The following GALNT1 variants were observed in gnomAD, a reference collection of about 807,000 sequenced individuals.
GALNT1 encodes GalNAc transferase 1.
A neutral mutation model predicts 65.7 loss-of-function variants in GALNT1; 17 were observed. That is an observed-to-expected ratio of 0.26 (90% confidence interval 0.18 to 0.39). The LOEUF is 0.39. GALNT1 is among the 10% of genes least tolerant of loss of function. The probability of loss-of-function intolerance (pLI) is 1.00; values close to 1 mark genes in which losing one functional copy is unlikely to be tolerated. For missense variants in GALNT1, 460 were observed against 672.8 expected (o/e 0.68, Z 3.50); for synonymous variants, 210 against 219.7 (o/e 0.96, Z 0.39).
rs2144791950 is a variant in GALNT1 at position 35,709,929 on chromosome 18, CACTAGCTGTGA to C, written c.*162_*172del. On this transcript the variant is annotated 3_prime_UTR_variant, in exon 12 of 12. Coordinates refer to ENST00000269195, the MANE Select transcript of GALNT1 (RefSeq NM_020474.4). Reference sequence around the variant, plus strand: ...TAAAACTTAGACTTCTCTAGCTTTTCACTAGCTGTGAACCAGCCTTCCTGTCCATGGACGTG... The same window carrying C: ...TAAAACTTAGACTTCTCTAGCTTTTCACCAGCCTTCCTGTCCATGGACGTG... 5 of 790,292 alleles carry C rather than the reference CACTAGCTGTGA, an allele frequency of 6.3e-6. 1 individual carries two copies. The South Asian group carries it at 7.6e-5, about 12-fold the overall frequency. 49.0% of individuals were successfully genotyped at this position (790,292 alleles called of 1,614,324 possible).
At chr18:35,701,230 C>A (rs2048158054) in intron 9 of GALNT1, among the ~76,000 whole-genome samples, 1 of 152,126 alleles carries the variant, frequency 6.6e-6, no homozygotes, top group Admixed American at 6.6e-5. Flanking sequence ...AGCCACCATG[C>A]CTAAGATTTG....
chr18:35,614,785 A>G (rs2046762414), intron 1 of GALNT1, among the ~76,000 whole-genome samples: 1 of 152,182 alleles, frequency 6.6e-6, no homozygotes, highest in South Asian at 2.1e-4. Context: ...CAAGAAGATC[A>G]TTATGGTAAA....
chr18:35,709,599 C>G, intron 11 of GALNT1, 25 bp from the exon 12 acceptor site: 2 of 1,612,028 alleles, frequency 1.2e-6, no homozygotes, highest in Non-Finnish European at 1.7e-6. Flanking sequence ...CTTCCACTCT[C>G]ATGTTAAGAT....
intron 1 of GALNT1, chr18:35,596,916 A>G (rs1456945653): frequency 6.6e-6 from 1 of 152,082 alleles, no homozygotes; most frequent in Non-Finnish European, 1.5e-5. Flanking sequence ...TTCATTCACT[A>G]CTCAATTGGA....
intron 1 of GALNT1, among the ~76,000 whole-genome samples, chr18:35,632,014 G>C (rs1452345324): frequency 6.6e-6 from 1 of 152,146 alleles, no homozygotes; most frequent in Non-Finnish European, 1.5e-5. Flanking sequence ...ACCTCTTCAA[G>C]GAGAACTACA....
At chr18:35,590,154 A>C (rs567070935) in intron 1 of GALNT1, among the ~76,000 whole-genome samples, 40 of 152,238 alleles carry the variant, frequency 2.6e-4, no homozygotes, top group Non-Finnish European at 4.4e-4. Flanking sequence ...TTTAGTCCTT[A>C]ATGGGGAGGG....
intron 3 of GALNT1, among the ~76,000 whole-genome samples, chr18:35,667,762 T>C (rs575098718): frequency 6.6e-6 from 1 of 152,356 alleles, no homozygotes; most frequent in South Asian, 2.1e-4. Flanking sequence ...GTGGTGTCAT[T>C]TGAACATGTT....
rs1281893011 is a variant in GALNT1 at position 35,710,651 on chromosome 18, G to GATTT, written c.*883_*886dup. 1.3e-5 allele frequency: 2 copies of GATTT among 152,590 alleles called. No individual in the cohort carries two copies. Among genetic ancestry groups the GATTT allele is most frequent in the Non-Finnish European group, 2.9e-5 (2 of 68,030 alleles). The allele number at this position is 152,590 out of a possible 1,614,324, so 9.5% of individuals were successfully genotyped here. A position where few individuals can be genotyped will look rare whatever the true frequency, so the allele number is the denominator to read the frequency against. Reference sequence around the variant, plus strand: ...TTGCTCTTGGGTCAACTGGCTTACAGATTTACATGTGCACACACACACAAA... The same window carrying GATTT: ...TTGCTCTTGGGTCAACTGGCTTACAGATTTATTTACATGTGCACACACACACAAA... On this transcript the variant is annotated 3_prime_UTR_variant, in exon 12 of 12. Transcript: ENST00000269195.
At chr18:35,661,727 G>A (rs1022815471) in intron 2 of GALNT1, among the ~76,000 whole-genome samples, 14 of 151,858 alleles carry the variant, frequency 9.2e-5, no homozygotes, top group South Asian at 4.2e-4. Flanking sequence ...CCTTTGTCCC[G>A]TATATTTCCT....
At chr18:35,597,107 C>T (rs939712540) in intron 1 of GALNT1, 1 of 152,206 alleles carries the variant, frequency 6.6e-6, no homozygotes, top group Non-Finnish European at 1.5e-5. Context: ...GTGACCTGAT[C>T]AACAGATTAC....
chr18:35,602,178 A>G (rs2046590366), intron 1 of GALNT1, among the ~76,000 whole-genome samples: 1 of 152,108 alleles, frequency 6.6e-6, no homozygotes, highest in African/African-American at 2.4e-5. Flanking sequence ...CACTTGGAAT[A>G]TGTTGTCACA....
intron 1 of GALNT1, among the ~76,000 whole-genome samples, chr18:35,626,843 G>C (rs1334437575): frequency 6.6e-6 from 1 of 152,170 alleles, no homozygotes; most frequent in Non-Finnish European, 1.5e-5. Context: ...ATAGCCAAAG[G>C]TTGAAAAGTG....
intron 1 of GALNT1, among the ~76,000 whole-genome samples, chr18:35,641,304 G>A (rs561758303): frequency 2.0e-5 from 3 of 152,192 alleles, no homozygotes; most frequent in East Asian, 1.9e-4. Context: ...AAAATTAGGC[G>A]GGCATGATGG....
intron 3 of GALNT1, among the ~76,000 whole-genome samples, chr18:35,668,799 A>G (rs1407154453): frequency 1.3e-5 from 2 of 152,240 alleles, no homozygotes; most frequent in African/African-American, 2.4e-5. Context: ...TGACGTAAAG[A>G]TAAGATTATA....
At chr18:35,626,903 T>G (rs1242871364) in intron 1 of GALNT1, among the ~76,000 whole-genome samples, 1 of 152,258 alleles carries the variant, frequency 6.6e-6, no homozygotes, top group Non-Finnish European at 1.5e-5. Context: ...TTCTGAATGC[T>G]TCCCAGCAGA....
chr18:35,589,507 T>G (rs1405931507), intron 1 of GALNT1, among the ~76,000 whole-genome samples: 1 of 152,186 alleles, frequency 6.6e-6, no homozygotes, highest in Non-Finnish European at 1.5e-5. Context: ...TCCCTTCTGC[T>G]TCTGTTAATG....
intron 1 of GALNT1, among the ~76,000 whole-genome samples, chr18:35,629,657 A>G (rs912628858): frequency 6.6e-6 from 1 of 152,322 alleles, no homozygotes; most frequent in East Asian, 1.9e-4. Flanking sequence ...AACTGCATCA[A>G]CTAACTAGCA....
rs745996865 is a variant in GALNT1, at chr18:35,677,583, G to A, written c.315-8G>A. On this transcript the variant is annotated splice_region_variant and splice_polypyrimidine_tract_variant and intron_variant, in intron 3 of 11. Coordinates refer to ENST00000269195, the MANE Select transcript of GALNT1 (RefSeq NM_020474.4). Reference sequence around the variant, plus strand: ...CACTTTTTATAAAGGCATTTGCTTTGTCTCTAGGTGTAAAACAAAGGTGTA... The same window carrying A: ...CACTTTTTATAAAGGCATTTGCTTTATCTCTAGGTGTAAAACAAAGGTGTA... 1 of 1,602,638 alleles carries A rather than the reference G, an allele frequency of 6.2e-7. No homozygotes were observed. Among genetic ancestry groups the A allele is most frequent in the African/African-American group, 1.3e-5 (1 of 74,420 alleles).
At chr18:35,681,536 A>G (rs978351738) in intron 4 of GALNT1, among the ~76,000 whole-genome samples, 1 of 152,074 alleles carries the variant, frequency 6.6e-6, no homozygotes, top group Non-Finnish European at 1.5e-5. Context: ...GCTTTCAAAG[A>G]CATATGGGAC....
Sources: allele counts gnomAD v4.1 joint callset (sites outside exome capture counted in the v4.1 genomes callset), GRCh38; gene constraint gnomAD v4.1.1; transcripts MANE v1.5; gene names NCBI Gene and HGNC (gene_info 2026-07-23, HGNC 2026-07-21).